HNRNPH1: variants seen among roughly 807,000 people sequenced by gnomAD.
HNRNPH1 encodes the protein heterogeneous nuclear ribonucleoprotein H1.
In HNRNPH1, 4 loss-of-function variants were observed where a neutral mutation model predicts 58.6. That is an observed-to-expected ratio of 0.07 (90% CI 0.03 to 0.16). The LOEUF (loss-of-function observed/expected upper bound fraction) is 0.16. Ranked by LOEUF, HNRNPH1 falls within the 10% of genes least tolerant of loss-of-function variation. The pLI, the probability that HNRNPH1 is intolerant of heterozygous loss-of-function variation, is 1.00. For missense variants in HNRNPH1, 271 were observed against 564.2 expected, an observed-to-expected ratio of 0.48 and a Z score of 5.26; for synonymous variants, 192 against 189.2, an observed-to-expected ratio of 1.01 and a Z score of -0.12.
chr5:179,632,979 T>A (rs1223783744), intron 2 of HNRNPH1, among the ~76,000 whole-genome samples: 1 of 149,840 alleles, frequency 6.7e-6, no homozygotes, highest in Admixed American at 6.7e-5. Flanking sequence ...AGCCTCATTC[T>A]CCCCACTAGC....
At chr5:179,620,763 G>A (rs1159388805) in intron 3 of HNRNPH1, 129 bp downstream of exon 4, 7 of 749,504 alleles carry the variant, frequency 9.3e-6, no homozygotes, top group African/African-American at 8.9e-5. Context: ...TCTCTAGGAA[G>A]AAAACATTAA....
exon 7 of HNRNPH1, chr5:179,617,853 G>A (rs1417052588): frequency 1.9e-6 from 3 of 1,613,102 alleles, no homozygotes; most frequent in Non-Finnish European, 2.5e-6. Context: ...TGTGTACACA[G>A]TGTCCTGTTG....
intron 10 of HNRNPH1, 136 bp from the exon 12 acceptor site, chr5:179,616,354 A>T (rs1432244360): frequency 1.4e-6 from 1 of 720,066 alleles, no homozygotes; most frequent in Non-Finnish European, 2.4e-6. Flanking sequence ...CCTTCTGCCT[A>T]CTGTCTATAA....
At chr5:179,632,985 C>G (rs543481451) in intron 2 of HNRNPH1, among the ~76,000 whole-genome samples, 16 of 151,180 alleles carry the variant, frequency 1.1e-4, no homozygotes, top group Admixed American at 3.3e-4. Context: ...ATTCTCCCCA[C>G]TAGCTGGGAA....
exon 1 of HNRNPH1, chr5:179,623,366 G>C: frequency 2.8e-6 from 1 of 352,702 alleles, no homozygotes; most frequent in Non-Finnish European, 5.4e-6. Flanking sequence ...GAACCGTGGG[G>C]GCCCGGGCCG....
Position 179,633,471 on chromosome 5 carries a change from T to A in HNRNPH1, c.-32+594A>T, listed in dbSNP as rs1318348685. Among the ~76,000 whole-genome samples the A allele has an allele frequency of 3.3e-4, 48 of 145,558 alleles. No homozygotes were observed. The East Asian group carries it at 3.9e-3, about 12-fold the overall frequency. ...CCCCACACCCGGCTAATTTTTTTTT[T>A]TTTTTTTTTTTTTTGTATTTTTAGT... On this transcript the variant is annotated intron_variant, in intron 2 of 4. Coordinates refer to the HNRNPH1 transcript ENST00000521116.
chr5:179,624,338 C>T, exon 1 of HNRNPH1: 1 of 395,238 alleles, frequency 2.5e-6, no homozygotes, highest in South Asian at 1.4e-4. Context: ...GGGCCTAGGG[C>T]CCCGGTCGGC....
chr5:179,616,087 C>T lies in HNRNPH1; in HGVS notation c.1300+39G>A. 3 of 1,510,142 alleles carry T rather than the reference C, an allele frequency of 2.0e-6. No homozygotes were observed. In the African/African-American group the frequency reaches 4.1e-5, roughly 21 times the overall value. 93.5% of individuals were successfully genotyped at this position (1,510,142 alleles called of 1,614,324 possible). On this transcript the variant is annotated intron_variant, in intron 11 of 12. Coordinates refer to ENST00000356731, the Ensembl canonical transcript of HNRNPH1. ...TAAGTACAGTAATGAACAGGCTTTACCATAACTTACTCTAAGTACAGTAAC... is the reference window on the plus strand; with the variant it reads ...TAAGTACAGTAATGAACAGGCTTTATCATAACTTACTCTAAGTACAGTAAC...
intron 2 of HNRNPH1, among the ~76,000 whole-genome samples, chr5:179,631,781 G>C (rs1045999747): frequency 6.6e-6 from 1 of 151,866 alleles, no homozygotes; most frequent in African/African-American, 2.4e-5. Context: ...AGCCAGGCCT[G>C]GTGGCACATG....
intron 2 of HNRNPH1, 68 bp from the exon 4 acceptor site, chr5:179,621,103 T>G: frequency 6.4e-7 from 1 of 1,559,106 alleles, no homozygotes; most frequent in Non-Finnish European, 8.8e-7. Context: ...TTCCTGGGTC[T>G]TTAGATAAGC....
At chr5:179,624,684 G>C (rs865936170), upstream of HNRNPH1, 3 of 398,168 alleles carry the variant, frequency 7.5e-6, no homozygotes, top group African/African-American at 6.2e-5. Context: ...CAAAACCTAA[G>C]ATGCCGTAGC....
chr5:179,614,782 A>AAG lies in HNRNPH1; in HGVS notation c.*176_*177dup, dbSNP rs376066558. The AAG allele has an allele frequency of 1.8e-4, 142 of 785,168 alleles. 1 individual carries two copies. In the African/African-American group the frequency reaches 3.8e-3, roughly 21 times the overall value. 48.6% of individuals were successfully genotyped at this position (785,168 alleles called of 1,614,324 possible). A position where few individuals can be genotyped will look rare whatever the true frequency, so the allele number is the denominator to read the frequency against. On this transcript the variant is annotated 3_prime_UTR_variant, in exon 13 of 13. Transcript: ENST00000356731. ...AAACTGTTAAACTGAAGTTTTCTTAAAGAAAAAAAAAAAAAAAAAAAAAAG... is the reference window on the plus strand; with the variant it reads ...AAACTGTTAAACTGAAGTTTTCTTAAAGAGAAAAAAAAAAAAAAAAAAAAAAG...
upstream of HNRNPH1, among the ~76,000 whole-genome samples, chr5:179,626,580 G>C (rs1282211235): frequency 6.6e-6 from 1 of 151,098 alleles, no homozygotes; most frequent in Non-Finnish European, 1.5e-5. Context: ...GCCGGGCATG[G>C]TGTCGCGTGC....
intron 2 of HNRNPH1, among the ~76,000 whole-genome samples, chr5:179,630,010 C>A (rs531030152): frequency 1.3e-5 from 2 of 151,100 alleles, no homozygotes; most frequent in East Asian, 2.0e-4. Flanking sequence ...GGTGACAGAA[C>A]GACTCTGTCT....
chr5:179,626,395 A>G (rs1774398963), upstream of HNRNPH1, among the ~76,000 whole-genome samples: 1 of 150,284 alleles, frequency 6.7e-6, no homozygotes, highest in South Asian at 2.2e-4. Flanking sequence ...ATGAGCCACC[A>G]TGCTCGGCCA....
intron 12 of HNRNPH1, chr5:179,615,272 T>TA: frequency 2.2e-6 from 1 of 444,604 alleles, no homozygotes; most frequent in Non-Finnish European, 4.0e-6. Context: ...TTTTTAAAGC[T>TA]AAACAAGGCA....
intron 4 of HNRNPH1, 27 bp from the exon 6 acceptor site, chr5:179,618,350 T>A (rs766714031): frequency 2.2e-5 from 34 of 1,530,868 alleles, no homozygotes; most frequent in Non-Finnish European, 3.0e-5. Flanking sequence ...AAGGAAGGGG[T>A]AGGGAGGGGA....
chr5:179,614,782 A>G (rs1393844236), exon 13 of HNRNPH1: 7 of 784,852 alleles, frequency 8.9e-6, no homozygotes, highest in Non-Finnish European at 1.1e-5. Flanking sequence ...AGTTTTCTTA[A>G]AGAAAAAAAA....
chr5:179,618,348 G>C lies in HNRNPH1; in HGVS notation c.537-25C>G, dbSNP rs1407684144. On this transcript the variant is annotated intron_variant, in intron 4 of 12. Transcript: ENST00000356731. ...CCTAAAGCATTGTTCATAAGGAAGG[G>C]GTAGGGAGGGGAGAGAAAACATTAG... is the stretch of plus-strand genomic sequence containing the variant. The C allele has an allele frequency of 2.0e-6, 3 of 1,530,468 alleles. No individual in the cohort carries two copies. In the Admixed American group the frequency reaches 5.7e-5, roughly 29 times the overall value. 94.8% of individuals were successfully genotyped at this position (1,530,468 alleles called of 1,614,324 possible).
Sources: gnomAD v4.1 joint callset for allele counts (sites outside exome capture counted in the v4.1 genomes callset) on GRCh38, gnomAD v4.1.1 for gene constraint, MANE v1.5 for transcripts, NCBI Gene and HGNC (gene_info 2026-07-23, HGNC 2026-07-21) for gene names.